Variants in EPC1 observed in about 807,000 individuals in gnomAD.
EPC1 encodes enhancer of polycomb homolog 1.
Under a neutral mutation model 98.4 loss-of-function variants are expected in EPC1, and 12 were observed. That is an observed-to-expected ratio of 0.12 (90% confidence interval 0.08 to 0.20). The LOEUF is 0.20. Ranked by LOEUF, EPC1 falls within the 10% of genes least tolerant of loss-of-function variation. The pLI is 1.00. For missense variants in EPC1, 729 were observed against 990.5 expected (o/e 0.74, Z 3.54); for synonymous variants, 357 against 363.9 (o/e 0.98, Z 0.21).
intron 1 of EPC1, among the ~76,000 whole-genome samples, chr10:32,323,858 T>C (rs929826503): frequency 1.3e-5 from 2 of 152,240 alleles, no homozygotes; most frequent in Admixed American, 6.5e-5. Flanking sequence ...CATACGTCCA[T>C]AAAGTCCTGG....
chr10:32,347,022 G>C lies in EPC1; in HGVS notation c.-107C>G. The C allele has an allele frequency of 6.6e-7, 1 of 1,509,572 alleles. No homozygotes were observed. Among genetic ancestry groups the C allele is most frequent in the South Asian group, 1.3e-5 (1 of 78,416 alleles). 93.5% of individuals were successfully genotyped at this position (1,509,572 alleles called of 1,614,324 possible). ...ACTCGCCAACCGCTGCCGGGGACTT[G>C]AGGGGCGGAGCGCAGAGCCCGCCGT... On this transcript the variant is annotated 5_prime_UTR_variant, in exon 1 of 14. Transcript: ENST00000319778.
chr10:32,276,975 G>C (rs1836136843), intron 10 of EPC1, among the ~76,000 whole-genome samples: 1 of 152,134 alleles, frequency 6.6e-6, no homozygotes, highest in Non-Finnish European at 1.5e-5. Flanking sequence ...AGGTCAGGAA[G>C]GACTCTTAGA....
In EPC1 at chr10:32,284,719, T is replaced by A; in HGVS notation, c.1723A>T (p.Ser575Cys). Residue 575 changes from serine (S) to cysteine (C), a missense_variant, in exon 10 of 14, where the codon AGC becomes TGC. This residue lies in a region of EPC1 where 390 missense variants were observed against 438.6 expected (regional missense o/e 0.89). Coordinates refer to ENST00000319778, the MANE Select transcript of EPC1 (RefSeq NM_001272004.3). ...TCSTSTQSKS[S>C]SGSAHFAFTA... ...ATACCAAAGTGTGCTGAACCACTGC[T>A]ACTTTTACTTTGCGTAGAGGTACTG... is the stretch of plus-strand genomic sequence containing the variant. The A allele has an allele frequency of 6.2e-7, 1 of 1,613,304 alleles. No homozygotes were observed. The highest frequency in any genetic ancestry group is 8.5e-7 in the Non-Finnish European group (1 of 1,179,358).
At chr10:32,362,664 G>A (rs1294674705) in intron 1 of EPC1, among the ~76,000 whole-genome samples, 1 of 152,112 alleles carries the variant, frequency 6.6e-6, no homozygotes, top group Non-Finnish European at 1.5e-5. Flanking sequence ...GGCAATGCAA[G>A]AACAAACTAA....
intron 1 of EPC1, among the ~76,000 whole-genome samples, chr10:32,369,641 C>A (rs150135892): frequency 6.8e-4 from 103 of 152,194 alleles, no homozygotes; most frequent in Middle Eastern, 3.4e-3. Context: ...AATGTGCTGT[C>A]GAAAGTACTG....
intron 6 of EPC1, among the ~76,000 whole-genome samples, chr10:32,288,623 T>G (rs914057318): frequency 1.3e-5 from 2 of 152,074 alleles, no homozygotes; most frequent in Non-Finnish European, 2.9e-5. Flanking sequence ...AGTGTTGGGA[T>G]TATAGGCATG....
rs762062883 is a variant in EPC1 at position 32,325,785 on chromosome 10, T to TG, written c.154-19855dup. On this transcript the variant is annotated intron_variant, in intron 1 of 13. Coordinates refer to ENST00000319778, the MANE Select transcript of EPC1 (RefSeq NM_001272004.3). The stretch of plus-strand genomic sequence containing the variant: ...GTGGCAGACACTGCCGGTTTTTTGG[T>TG]GTTTTTTTTTTAACTCTATAAAGGC... Among the ~76,000 whole-genome samples the TG allele has an allele frequency of 9.8e-3, 234 of 23,990 alleles. 1 individual carries two copies. The Non-Finnish European group carries it at 0.12, about 13-fold the overall frequency. The allele number at this position is 23,990 out of a possible 152,430, so 15.7% of individuals were successfully genotyped here.
chr10:32,273,623 T>C (rs868252447), intron 10 of EPC1, among the ~76,000 whole-genome samples: 2 of 152,166 alleles, frequency 1.3e-5, no homozygotes, highest in Non-Finnish European at 2.9e-5. Context: ...TTAAAATCCA[T>C]AGATTTGGAA....
At chr10:32,282,028 A>C (rs1383889733) in intron 10 of EPC1, 1 of 151,900 alleles carries the variant, frequency 6.6e-6, no homozygotes, top group African/African-American at 2.4e-5. Flanking sequence ...AAATGCACTT[A>C]TGATATGGCT....
chr10:32,275,386 C>T (rs1836027876), intron 10 of EPC1, among the ~76,000 whole-genome samples: 1 of 152,238 alleles, frequency 6.6e-6, no homozygotes, highest in Non-Finnish European at 1.5e-5. Flanking sequence ...GTAATCCCAA[C>T]ACTTTGGGAG....
intron 13 of EPC1, among the ~76,000 whole-genome samples, chr10:32,270,094 C>A (rs907029321): frequency 1.3e-5 from 2 of 152,216 alleles, no homozygotes; most frequent in South Asian, 2.1e-4. Flanking sequence ...TTTCACTCCA[C>A]CTGCCAGAAA....
At chr10:32,373,597 C>T in intron 1 of EPC1, among the ~76,000 whole-genome samples, 1 of 152,102 alleles carries the variant, frequency 6.6e-6, no homozygotes, top group East Asian at 1.9e-4. Flanking sequence ...GGCCAATGAG[C>T]TCTAAGAAAC....
At chr10:32,319,801 G>A (rs534857947) in intron 1 of EPC1, among the ~76,000 whole-genome samples, 6 of 152,144 alleles carry the variant, frequency 3.9e-5, no homozygotes, top group Admixed American at 3.9e-4. Context: ...CTCAGCTCCC[G>A]AGTAGTTGGG....
At chr10:32,327,600 T>C (rs1451330154) in intron 1 of EPC1, among the ~76,000 whole-genome samples, 3 of 151,948 alleles carry the variant, frequency 2.0e-5, no homozygotes, top group Non-Finnish European at 2.9e-5. Context: ...GAATGTGTTC[T>C]GAGAAATGCA....
intron 1 of EPC1, among the ~76,000 whole-genome samples, chr10:32,358,129 ACAGGC>A (rs1839334501): frequency 6.6e-6 from 1 of 152,190 alleles, no homozygotes; most frequent in African/African-American, 2.4e-5. Flanking sequence ...TGGTGGGATT[ACAGGC>A]ATGAGCCATC....
chr10:32,356,035 A>G (rs1023424038), intron 1 of EPC1, among the ~76,000 whole-genome samples: 1 of 152,210 alleles, frequency 6.6e-6, no homozygotes, highest in Non-Finnish European at 1.5e-5. Context: ...AAATTTAGAG[A>G]AAAATTGTTA....
At chr10:32,367,318 T>G (rs1032830655) in intron 1 of EPC1, among the ~76,000 whole-genome samples, 1 of 152,196 alleles carries the variant, frequency 6.6e-6, no homozygotes, top group Non-Finnish European at 1.5e-5. Context: ...ATGTAAAGAC[T>G]GGCATGAGCC....
At chr10:32,305,691 C>T (rs1382274687) in intron 2 of EPC1, 81 bp downstream of exon 2, 1 of 1,237,720 alleles carries the variant, frequency 8.1e-7, no homozygotes, top group African/African-American at 1.6e-5. Flanking sequence ...AACAAAAACG[C>T]TCCTGAAGAG....
At chr10:32,272,809 T>C (rs2132640301) in intron 11 of EPC1, among the ~76,000 whole-genome samples, 1 of 152,272 alleles carries the variant, frequency 6.6e-6, no homozygotes, top group East Asian at 1.9e-4. Flanking sequence ...CTTTCAACAG[T>C]TGGAGAGGTT....
Sources: gnomAD v4.1 joint callset for allele counts (sites outside exome capture counted in the v4.1 genomes callset) on GRCh38, gnomAD v4.1.1 for gene constraint, gnomAD v4.1.1 regional missense constraint, MANE v1.5 for transcripts, NCBI Gene and HGNC (gene_info 2026-07-23, HGNC 2026-07-21) for gene names.